ADGB: variants seen among roughly 807,000 people sequenced by gnomAD.
ADGB encodes the protein calpain-7-like protein.
A neutral mutation model predicts 210.5 loss-of-function variants in ADGB; 172 were observed. The observed-to-expected ratio is 0.82, with a 90% CI of 0.72 to 0.93. The LOEUF (loss-of-function observed/expected upper bound fraction) is 0.93, where lower values mean the gene tolerates loss of function less well. Ranked by LOEUF, ADGB falls within the 40% of genes least tolerant of loss-of-function variation. The pLI is 0.00. For missense variants in ADGB, 2,025 were observed against 1,964.8 expected (o/e 1.03, Z -0.58); for synonymous variants, 658 against 662.7 (o/e 0.99, Z 0.11).
intron 24 of ADGB, 41 bp from the exon 25 acceptor site, chr6:146,741,077 G>T: frequency 1.4e-6 from 2 of 1,418,582 alleles, no homozygotes; most frequent in Non-Finnish European, 1.8e-6. Context: ...CTTCCTTTAA[G>T]AATTCACATC....
chr6:146,780,089 A>C (rs935834283), intron 29 of ADGB, among the ~76,000 whole-genome samples: 2 of 152,124 alleles, frequency 1.3e-5, no homozygotes, highest in African/African-American at 4.8e-5. Flanking sequence ...TGTGATAATA[A>C]CAACATAAAG....
chr6:146,643,622 C>T (rs1403387040), intron 2 of ADGB, among the ~76,000 whole-genome samples: 1 of 151,796 alleles, frequency 6.6e-6, no homozygotes, highest in East Asian at 1.9e-4. Flanking sequence ...AGCTCACTAA[C>T]TGACCCATAA....
rs35741728 is a variant in ADGB, at chr6:146,616,268, GTT to G, written c.74+17166_74+17167del. On this transcript the variant is annotated intron_variant, in intron 1 of 35. Coordinates refer to ENST00000397944, the MANE Select transcript of ADGB (RefSeq NM_024694.4). ...CCTATTTTTTAATTGTATTATTTGG[GTT>G]TTTTTTTTTTTGCTATTGAGTTGTT... is the stretch of plus-strand genomic sequence containing the variant. Among the ~76,000 whole-genome samples the G allele has an allele frequency of 1.3e-3, 187 of 142,228 alleles. No individual in the cohort carries two copies. The Middle Eastern group carries it at 0.015, about 11-fold the overall frequency. The allele number at this position is 142,228 out of a possible 152,430, so 93.3% of individuals were successfully genotyped here.
intron 26 of ADGB, among the ~76,000 whole-genome samples, chr6:146,746,816 A>G (rs1294185368): frequency 6.6e-6 from 1 of 152,218 alleles, no homozygotes; most frequent in Non-Finnish European, 1.5e-5. Flanking sequence ...GATGCCTAAC[A>G]CAGTGTGCTC....
intron 35 of ADGB, chr6:146,803,556 T>C (rs1778163759): frequency 6.4e-7 from 1 of 1,550,944 alleles, no homozygotes; most frequent in Non-Finnish European, 8.9e-7. Flanking sequence ...CTGTTCTATT[T>C]ATGTAAGCAG....
intron 1 of ADGB, among the ~76,000 whole-genome samples, chr6:146,625,064 T>C (rs568659434): frequency 2.2e-4 from 33 of 152,198 alleles, no homozygotes; most frequent in African/African-American, 7.7e-4. Flanking sequence ...GTCTTATAAA[T>C]GTTAATTAGG....
chr6:146,646,370 C>T (rs988001896), intron 3 of ADGB, among the ~76,000 whole-genome samples: 3 of 152,018 alleles, frequency 2.0e-5, no homozygotes, highest in African/African-American at 7.2e-5. Context: ...GCCAATTAAC[C>T]GTTTTAAGCA....
At chr6:146,654,547 C>T (rs1019716598) in intron 4 of ADGB, among the ~76,000 whole-genome samples, 4 of 151,836 alleles carry the variant, frequency 2.6e-5, no homozygotes, top group African/African-American at 9.7e-5. Flanking sequence ...GAGACGAGAT[C>T]GCACCACATT....
At chr6:146,661,346 A>C (rs1281805740) in intron 5 of ADGB, among the ~76,000 whole-genome samples, 1 of 150,944 alleles carries the variant, frequency 6.6e-6, no homozygotes, top group Non-Finnish European at 1.5e-5. Context: ...CAGCCTCCCA[A>C]GTAGCTAGCA....
At chr6:146,636,408 T>C (rs1467123104) in intron 2 of ADGB, among the ~76,000 whole-genome samples, 2 of 152,032 alleles carry the variant, frequency 1.3e-5, no homozygotes, top group Non-Finnish European at 2.9e-5. Context: ...AATAAAGGTA[T>C]TGCTGACTCT....
Position 146,672,283 on chromosome 6 carries a change from A to G in ADGB, c.903A>G (p.Ser301=). 1.3e-6 allele frequency: 2 copies of G among 1,550,930 alleles called. No individual in the cohort carries two copies. Among genetic ancestry groups the G allele is most frequent in the South Asian group, 1.2e-5 (1 of 83,886 alleles). Residue 301 remains serine, a synonymous_variant, in exon 8 of 36, where the codon TCA becomes TCG. Coordinates refer to ENST00000397944, the MANE Select transcript of ADGB (RefSeq NM_024694.4). ...AAATATTGCCTGAGTTTAAGCTGTC[A>G]GATGAGGCCAGCTCTGAAAGCAAAA... ...LKEILPEFKL[S]DEASSESKIA...
chr6:146,728,450 A>T, intron 19 of ADGB, 124 bp from the exon 20 acceptor site: 8 of 1,028,204 alleles, frequency 7.8e-6, no homozygotes, highest in Non-Finnish European at 1.1e-5. Context: ...CTTGATATCA[A>T]ATCCTCTATA....
intron 5 of ADGB, among the ~76,000 whole-genome samples, chr6:146,657,330 A>G (rs866123080): frequency 3.8e-4 from 57 of 151,290 alleles, no homozygotes; most frequent in African/African-American, 1.3e-3. Context: ...CAAAAAAAAA[A>G]AAAGAAAGAA....
At chr6:146,746,157 A>G in intron 26 of ADGB, 48 bp downstream of exon 26, 2 of 1,286,036 alleles carry the variant, frequency 1.6e-6, no homozygotes, top group South Asian at 1.6e-5. Flanking sequence ...AAAAATATTA[A>G]TATTTTAGGA....
Position 146,691,187 on chromosome 6 carries a change from A to T in ADGB, c.1383A>T (p.Arg461Ser). 1 of 1,549,768 alleles carries T rather than the reference A, an allele frequency of 6.5e-7. No individual in the cohort carries two copies. The highest frequency in any genetic ancestry group is 8.7e-7 in the Non-Finnish European group (1 of 1,146,368). Residue 461 changes from arginine to serine, a missense_variant, in exon 11 of 36, where the codon AGA becomes AGT. Physicochemically the swap from Arg to Ser is moderately radical, Grantham distance 110. Coordinates refer to ENST00000397944, the MANE Select transcript of ADGB (RefSeq NM_024694.4). ...HICSHPVLVTRSRSCPLVAPP... is the reference protein window; with the variant it reads ...HICSHPVLVTSSRSCPLVAPP... Reference sequence around the variant, plus strand: ...GTAGCCATCCTGTGCTGGTGACTAGAAGTAGGTCTTGTCCTCTGGTAGCAC... The same window carrying T: ...GTAGCCATCCTGTGCTGGTGACTAGTAGTAGGTCTTGTCCTCTGGTAGCAC...
chr6:146,635,939 G>T (rs760621919), intron 2 of ADGB, among the ~76,000 whole-genome samples: 1 of 151,954 alleles, frequency 6.6e-6, no homozygotes, highest in Non-Finnish European at 1.5e-5. Flanking sequence ...TTTTTTAAAA[G>T]AAATGTTAAC....
intron 23 of ADGB, 85 bp from the exon 24 acceptor site, chr6:146,740,374 A>AT (rs1321350393): frequency 7.4e-6 from 9 of 1,224,292 alleles, no homozygotes; most frequent in East Asian, 5.1e-5. Flanking sequence ...ATCTTATACT[A>AT]TTTTTTGTCA....
rs74423335 is a variant in ADGB, at chr6:146,605,291, C to T, written c.74+6177C>T. Reference sequence around the variant, plus strand: ...ATGATAGTGAGGAACATATTAAAAGCGATGTGAGTGTGCACTGTGCACAGC... The same window carrying T: ...ATGATAGTGAGGAACATATTAAAAGTGATGTGAGTGTGCACTGTGCACAGC... On this transcript the variant is annotated intron_variant, in intron 1 of 35. Coordinates refer to ENST00000397944, the MANE Select transcript of ADGB (RefSeq NM_024694.4). 3.9e-3 allele frequency among the ~76,000 whole-genome samples: 593 copies of T among 152,116 alleles called. 8 individuals are homozygous for T. In the East Asian group the frequency reaches 0.049, roughly 13 times the overall value.
chr6:146,676,288 T>C (rs1401594587), intron 8 of ADGB, 25 bp from the exon 9 acceptor site: 2 of 1,526,892 alleles, frequency 1.3e-6, no homozygotes, highest in Non-Finnish European at 1.8e-6. Context: ...GTTAAAATAT[T>C]TATTGTGATT....
Sources: gnomAD v4.1 joint callset for allele counts (sites outside exome capture counted in the v4.1 genomes callset) on GRCh38, gnomAD v4.1.1 for gene constraint, MANE v1.5 for transcripts, NCBI Gene and HGNC (gene_info 2026-07-23, HGNC 2026-07-21) for gene names.